The following ZNF487 variants were observed in gnomAD, a reference collection of about 807,000 sequenced individuals.
ZNF487 encodes the protein zinc finger protein 487.
Under a neutral mutation model 3.0 loss-of-function variants are expected in ZNF487, and 4 were observed. The observed-to-expected ratio is 1.35, with a 90% CI of 0.66 to 3.08. ZNF487 has a LOEUF of 3.08. Among genes scored for constraint, ZNF487 ranks in the 30% most tolerant of loss-of-function variants. The pLI, the probability that ZNF487 is intolerant of heterozygous loss-of-function variation, is 0.01. For synonymous variants in ZNF487, 55 were observed against 34.6 expected, an observed-to-expected ratio of 1.59 and a Z score of -2.06; for missense variants, 146 against 98.7, an observed-to-expected ratio of 1.48 and a Z score of -2.03.
At chr10:43,452,032 G>A (rs1461970541) in intron 1 of ZNF487, 1 of 152,234 alleles carries the variant, frequency 6.6e-6, no homozygotes. Flanking sequence ...TGGCACTGCA[G>A]GAAATGCTCA....
downstream of ZNF487, among the ~76,000 whole-genome samples, chr10:43,488,176 T>A (rs981989934): frequency 6.6e-6 from 1 of 151,890 alleles, no homozygotes; most frequent in Non-Finnish European, 1.5e-5. Context: ...TTACTTATGA[T>A]ATATAATCAT....
the ZNF487 span, among the ~76,000 whole-genome samples, chr10:43,522,462 G>C: frequency 6.6e-6 from 1 of 151,768 alleles, no homozygotes; most frequent in African/African-American, 2.4e-5. Context: ...CTTAGGGTGC[G>C]GTGGCTCATG....
At chr10:43,500,649 A>G in the ZNF487 span, among the ~76,000 whole-genome samples, 1 of 149,698 alleles carries the variant, frequency 6.7e-6, no homozygotes, top group Non-Finnish European at 1.5e-5. Context: ...CCACAGGCGC[A>G]CACCACCATG....
intron 3 of ZNF487, among the ~76,000 whole-genome samples, chr10:43,478,842 T>C (rs1023597264): frequency 1.5e-4 from 22 of 151,484 alleles, no homozygotes; most frequent in African/African-American, 5.3e-4. Flanking sequence ...CAAAATAGAA[T>C]GTTACCTCTC....
the ZNF487 span, among the ~76,000 whole-genome samples, chr10:43,498,118 T>A: frequency 0.27 from 4,566 of 17,048 alleles, 681 homozygotes; most frequent in Non-Finnish European, 0.36. Flanking sequence ...TTTTTTCTTT[T>A]TTTTTTTTTT....
At chr10:43,457,266 C>T (rs1040683664) in intron 1 of ZNF487, among the ~76,000 whole-genome samples, 22 of 149,808 alleles carry the variant, frequency 1.5e-4, no homozygotes, top group African/African-American at 5.4e-4. Flanking sequence ...AACAAAACAA[C>T]AAAACAAAAA....
At chr10:43,517,282 G>A in the ZNF487 span, among the ~76,000 whole-genome samples, 1 of 152,226 alleles carries the variant, frequency 6.6e-6, no homozygotes, top group African/African-American at 2.4e-5. Flanking sequence ...TACACACAAT[G>A]TTAATACAAA....
Position 43,474,725 on chromosome 10 carries a change from G to A in ZNF487, c.-93-996G>A, listed in dbSNP as rs562739151. Among the ~76,000 whole-genome samples, 206 of 151,852 alleles carry A rather than the reference G, an allele frequency of 1.4e-3. 1 individual carries two copies. Among genetic ancestry groups the A allele is most frequent in the Middle Eastern group, 3.4e-3 (1 of 294 alleles). The stretch of plus-strand genomic sequence containing the variant: ...AGCCTCCCCAGTAGCCGGAATTACA[G>A]GTGCGCACCACCAAGCTTGACTAAT... On this transcript the variant is annotated intron_variant, in intron 1 of 3. Transcript: ENST00000437590.
intron 1 of ZNF487, among the ~76,000 whole-genome samples, chr10:43,469,031 G>C (rs569077191): frequency 2.7e-5 from 4 of 146,550 alleles, no homozygotes; most frequent in Non-Finnish European, 6.0e-5. Context: ...GAAAGGAAGA[G>C]TCAATCAGTG....
intron 1 of ZNF487, among the ~76,000 whole-genome samples, chr10:43,445,313 T>G (rs1049826583): frequency 7.2e-5 from 11 of 152,154 alleles, no homozygotes; most frequent in Non-Finnish European, 1.5e-4. Flanking sequence ...TGACTGGATG[T>G]TTTTATATCT....
At chr10:43,502,977 CTG>C in the ZNF487 span, among the ~76,000 whole-genome samples, 9 of 141,694 alleles carry the variant, frequency 6.4e-5, no homozygotes, top group African/African-American at 1.9e-4. Flanking sequence ...CTGCAATGAA[CTG>C]TGATTGTAGC....
Position 43,482,576 on chromosome 10 carries a change from C to G in ZNF487, c.*654C>G. 1 of 509,694 alleles carries G rather than the reference C, an allele frequency of 2.0e-6. No individual in the cohort carries two copies. The highest frequency in any genetic ancestry group is 4.0e-6 in the Non-Finnish European group (1 of 249,904). 31.6% of individuals were successfully genotyped at this position (509,694 alleles called of 1,614,324 possible). A position where few individuals can be genotyped will look rare whatever the true frequency, so the allele number is the denominator to read the frequency against. On this transcript the variant is annotated 3_prime_UTR_variant, in exon 4 of 4. Transcript: ENST00000437590. ...AGAGAACACACACAGGAGAGAAACC[C>G]TATGGATGTAATGAATGTCAGAAAG...
chr10:43,498,579 A>G, the ZNF487 span, among the ~76,000 whole-genome samples: 1 of 150,662 alleles, frequency 6.6e-6, no homozygotes, highest in Non-Finnish European at 1.5e-5. Context: ...TGCCCAGTCC[A>G]TAGAGCTATA....
chr10:43,502,388 G>C, the ZNF487 span, among the ~76,000 whole-genome samples: 2 of 151,666 alleles, frequency 1.3e-5, no homozygotes, highest in Admixed American at 6.6e-5. Flanking sequence ...GTCGTGGGGT[G>C]GGGGGGGATA....
the ZNF487 span, among the ~76,000 whole-genome samples, chr10:43,514,976 T>C: frequency 6.6e-6 from 1 of 152,228 alleles, no homozygotes; most frequent in East Asian, 1.9e-4. Flanking sequence ...CATATCCAGC[T>C]TGCTCACAGT....
chr10:43,488,685 C>A, the ZNF487 span, among the ~76,000 whole-genome samples: 1 of 152,112 alleles, frequency 6.6e-6, no homozygotes, highest in Non-Finnish European at 1.5e-5. Flanking sequence ...TTAGAATATC[C>A]TCTCCATGAA....
chr10:43,487,929 C>CAAAAAAAAAAA (rs76705594), downstream of ZNF487, among the ~76,000 whole-genome samples: 236 of 40,432 alleles, frequency 5.8e-3, 8 homozygotes, highest in Middle Eastern at 0.023. Flanking sequence ...TACCAAAATA[C>CAAAAAAAAAAA]AAAAAAAAAA....
intron 1 of ZNF487, among the ~76,000 whole-genome samples, chr10:43,474,546 G>A (rs1035407753): frequency 1.8e-4 from 28 of 152,060 alleles, no homozygotes; most frequent in African/African-American, 5.6e-4. Flanking sequence ...TCCAGCATGG[G>A]CAAAACAGCA....
At chr10:43,511,737 CAG>C in the ZNF487 span, among the ~76,000 whole-genome samples, 2 of 152,186 alleles carry the variant, frequency 1.3e-5, no homozygotes, top group South Asian at 2.1e-4. Context: ...TAGGCGACGA[CAG>C]GGGTGGCTGA....
Sources: gnomAD v4.1 joint callset for allele counts (sites outside exome capture counted in the v4.1 genomes callset) on GRCh38, gnomAD v4.1.1 for gene constraint, MANE v1.5 for transcripts, NCBI Gene and HGNC (gene_info 2026-07-23, HGNC 2026-07-21) for gene names.